ABCA4: variants seen among roughly 807,000 people sequenced by gnomAD.
The protein encoded by ABCA4 is ATP binding cassette subfamily A member 4, also known as retinal-specific phospholipid-transporting ATPase ABCA4.
ABCA4 carries 196 observed loss-of-function variants against 263.7 expected under a neutral mutation model. The ratio of observed to expected loss-of-function variants is 0.74; its 90% CI spans 0.66 to 0.84. The LOEUF (loss-of-function observed/expected upper bound fraction) is 0.84, where lower values mean the gene tolerates loss of function less well. Ranked by LOEUF, ABCA4 falls within the 40% of genes least tolerant of loss-of-function variation. The pLI, the probability that ABCA4 is intolerant of heterozygous loss-of-function variation, is 0.00. For missense variants in ABCA4, 2,792 were observed against 2,855.1 expected (o/e 0.98, Z 0.50); for synonymous variants, 1,133 against 1,094.2 (o/e 1.04, Z -0.70).
At chr1:94,079,125 G>C (rs1373040610) in intron 9 of ABCA4, among the ~76,000 whole-genome samples, 197 bp downstream of exon 9, 1 of 152,186 alleles carries the variant, frequency 6.6e-6, no homozygotes, top group Non-Finnish European at 1.5e-5. Flanking sequence ...GTAGAGAGGG[G>C]AGGGCCCAGG....
At chr1:94,083,810 C>T (rs1022585714) in intron 6 of ABCA4, among the ~76,000 whole-genome samples, 1 of 152,200 alleles carries the variant, frequency 6.6e-6, no homozygotes, top group Non-Finnish European at 1.5e-5. Context: ...GCCTGGGGTG[C>T]CCATCTGTTC....
At position 94,008,782 on chromosome 1, in the gene ABCA4, G is replaced by A. The variant is rs1659468190; in HGVS notation, c.5804C>T (p.Thr1935Ile). ...TAGTTCATGTAGCCTTAAGATGTCAGTTTTATTTCCACCAGTAATAATTCT... is the reference window on the plus strand; with the variant it reads ...TAGTTCATGTAGCCTTAAGATGTCAATTTTATTTCCACCAGTAATAATTCT... ...RQRIITGGNK[T>I]DILRLHELTK... is the part of the protein sequence containing the mutation. The change falls in exon 41 of 50, where the codon ACT becomes ATT. Residue 1935 changes from threonine (T) to isoleucine (I), a missense_variant. Physicochemically the swap from Thr to Ile is moderately conservative, Grantham distance 89 (BLOSUM62 -1). Coordinates refer to ENST00000370225, the MANE Select transcript of ABCA4 (RefSeq NM_000350.3). 1 of 1,613,850 alleles carries A rather than the reference G, an allele frequency of 6.2e-7. No individual in the cohort carries two copies. Among genetic ancestry groups the A allele is most frequent in the Non-Finnish European group, 8.5e-7 (1 of 1,180,004 alleles).
intron 4 of ABCA4, among the ~76,000 whole-genome samples, chr1:94,105,339 C>A (rs925464319): frequency 7.9e-5 from 12 of 152,106 alleles, no homozygotes; most frequent in African/African-American, 2.9e-4. Flanking sequence ...GGAGAAGGGG[C>A]AAAACAAGAA....
chr1:94,084,615 T>G (rs889030182), intron 6 of ABCA4, among the ~76,000 whole-genome samples: 1 of 152,210 alleles, frequency 6.6e-6, no homozygotes, highest in African/African-American at 2.4e-5. Flanking sequence ...GCTTATTTTC[T>G]AATTGTGAAA....
At chr1:94,011,431 C>A (rs775056935) in intron 38 of ABCA4, 46 bp from the exon 39 acceptor site, 7 of 1,603,192 alleles carry the variant, frequency 4.4e-6, no homozygotes, top group Non-Finnish European at 6.0e-6. Context: ...AAACCCCACC[C>A]CCCCTCTCTT....
chr1:94,014,803 C>T, intron 37 of ABCA4, 113 bp from the exon 38 acceptor site: 1 of 1,371,222 alleles, frequency 7.3e-7, no homozygotes, highest in South Asian at 1.2e-5. Flanking sequence ...GTGAACTGGC[C>T]AGAGTCCCAG....
chr1:94,024,946 C>T lies in ABCA4; in HGVS notation c.4634+8G>A, dbSNP rs1202473732. 1 of 1,610,008 alleles carries T rather than the reference C, an allele frequency of 6.2e-7. No individual in the cohort carries two copies. The highest frequency in any genetic ancestry group is 1.1e-5 in the South Asian group (1 of 90,984). The stretch of plus-strand genomic sequence containing the variant: ...CAGGATAAAAAGCATAAAAGGATTT[C>T]TTCTTACCTGCTTCTTATAAGAGCA... On this transcript the variant is annotated splice_region_variant and intron_variant, in intron 31 of 49. Transcript: ENST00000370225.
rs1000493126 is a variant in ABCA4 at position 94,062,498 on chromosome 1, G to A, written c.1937+79C>T. On this transcript the variant is annotated intron_variant, in intron 13 of 49. Transcript: ENST00000370225. The stretch of plus-strand genomic sequence containing the variant: ...TCTCTAAAGACATGGAAGCCTTGAG[G>A]GCACCCCCAGCCCACCCCAGCCCAC... 1.4e-5 allele frequency: 21 copies of A among 1,552,656 alleles called. No homozygotes were observed. The African/African-American group carries it at 2.3e-4, about 17-fold the overall frequency.
rs1406273620 is a variant in ABCA4, at chr1:94,044,694, C to T, written c.2969G>A (p.Gly990Glu). Residue 990 changes from glycine (G) to glutamate (E), a missense_variant, in exon 20 of 50, where the codon GGG (glycine) becomes GAG (glutamate). Transcript: ENST00000370225. ...LPPTSGTVLVGGRDIETSLDA... is the reference protein window; with the variant it reads ...LPPTSGTVLVEGRDIETSLDA... ...CAGGCTGGTTTCAATGTCCCTTCCC[C>T]CAACGAGCACAGTCCCAGAGGTTGG... The T allele has an allele frequency of 6.2e-7, 1 of 1,614,074 alleles. No individual in the cohort carries two copies. Among genetic ancestry groups the T allele is most frequent in the Non-Finnish European group, 8.5e-7 (1 of 1,180,042 alleles).
At chr1:93,993,820 G>T (rs1658931722) in intron 49 of ABCA4, among the ~76,000 whole-genome samples, 1 of 152,092 alleles carries the variant, frequency 6.6e-6, no homozygotes, top group South Asian at 2.1e-4. Context: ...TTTAACTGGA[G>T]AGATACTGTC....
intron 14 of ABCA4, among the ~76,000 whole-genome samples, chr1:94,058,893 T>G (rs1048428739): frequency 6.6e-5 from 10 of 152,124 alleles, no homozygotes. Flanking sequence ...TTCTTTCCTG[T>G]GTTGTTGAGG....
rs773908292 is a variant in ABCA4, at chr1:94,008,733, T to G, written c.5835+18A>C. 14 of 1,613,784 alleles carry G rather than the reference T, an allele frequency of 8.7e-6. No individual in the cohort carries two copies. Among genetic ancestry groups the G allele is most frequent in the African/African-American group, 1.3e-5 (1 of 74,892 alleles). On this transcript the variant is annotated intron_variant, in intron 41 of 49. Coordinates refer to ENST00000370225, the MANE Select transcript of ABCA4 (RefSeq NM_000350.3). Reference sequence around the variant, plus strand: ...GTGGATCTAACCAGCACCTCCAAACTCATACCCATTCCCTTACCTTGGTTA... The same window carrying G: ...GTGGATCTAACCAGCACCTCCAAACGCATACCCATTCCCTTACCTTGGTTA...
In ABCA4 at chr1:94,047,098, G is replaced by A. The variant is rs76305791; in HGVS notation, c.2744-5C>T. 1.8e-4 allele frequency: 289 copies of A among 1,614,014 alleles called. 2 individuals carry two copies. In the East Asian group the frequency reaches 6.2e-3, roughly 35 times the overall value. ...GCTCACGTTCAAAGAAGGAGTCTTG[G>A]AGGAAAAAAAATGAACATGATGTAA... On this transcript the variant is annotated splice_region_variant and splice_polypyrimidine_tract_variant and intron_variant, in intron 18 of 49. Coordinates refer to ENST00000370225, the MANE Select transcript of ABCA4 (RefSeq NM_000350.3).
At chr1:94,096,929 T>C (rs759049137) in intron 6 of ABCA4, among the ~76,000 whole-genome samples, 14 of 152,162 alleles carry the variant, frequency 9.2e-5, no homozygotes, top group Non-Finnish European at 2.1e-4. Context: ...CTACAAAGCA[T>C]GCGGGCCCTG....
chr1:94,042,382 C>T (rs1660516702), intron 22 of ABCA4, among the ~76,000 whole-genome samples: 1 of 152,168 alleles, frequency 6.6e-6, no homozygotes, highest in South Asian at 2.1e-4. Context: ...GCAGGTCACC[C>T]TCACACTGGT....
Position 94,016,975 on chromosome 1 carries a change from G to A in ABCA4, c.5197-1121C>T, listed in dbSNP as rs113225738. ...GAGGTCCAGGGGCATGAGGACCCAA[G>A]TCAAGACGATACAGAAGCCAGCTTC... On this transcript the variant is annotated intron_variant, in intron 36 of 49. Coordinates refer to ENST00000370225, the MANE Select transcript of ABCA4 (RefSeq NM_000350.3). 1.1e-3 allele frequency among the ~76,000 whole-genome samples: 174 copies of A among 152,240 alleles called. 1 individual carries two copies. Among genetic ancestry groups the A allele is most frequent in the African/African-American group, 4.1e-3 (172 of 41,510 alleles).
At chr1:94,003,117 T>C (rs1659238234) in intron 44 of ABCA4, among the ~76,000 whole-genome samples, 1 of 152,222 alleles carries the variant, frequency 6.6e-6, no homozygotes, top group Non-Finnish European at 1.5e-5. Flanking sequence ...CCACAGTACA[T>C]TATCAATGTC....
At chr1:94,030,637 G>T in intron 28 of ABCA4, 111 bp from the exon 29 acceptor site, 1 of 1,075,542 alleles carries the variant, frequency 9.3e-7, no homozygotes, top group East Asian at 2.4e-5. Flanking sequence ...TGGAGGCACC[G>T]AATGCTGCCT....
chr1:94,059,407 C>T (rs1375911163), intron 14 of ABCA4: 1 of 152,196 alleles, frequency 6.6e-6, no homozygotes, highest in African/African-American at 2.4e-5. Flanking sequence ...AGGACTCTAG[C>T]ACAGAGCATA....
Sources: allele counts gnomAD v4.1 joint callset (sites outside exome capture counted in the v4.1 genomes callset), GRCh38; gene constraint gnomAD v4.1.1; transcripts MANE v1.5; gene names NCBI Gene and HGNC (gene_info 2026-07-23, HGNC 2026-07-21).